CNBD1: variants seen among roughly 807,000 people sequenced by gnomAD.
The protein encoded by CNBD1 is cyclic nucleotide binding domain containing 1, also known as cyclic nucleotide-binding domain-containing protein 1.
A neutral mutation model predicts 54.4 loss-of-function variants in CNBD1; 71 were observed. That is an observed-to-expected ratio of 1.30 (90% CI 1.08 to 1.59). The LOEUF (loss-of-function observed/expected upper bound fraction) is 1.59. Among genes scored for constraint, CNBD1 ranks in the 40% most tolerant of loss-of-function variants. CNBD1 has a pLI of 0.00. For missense variants in CNBD1, 659 were observed against 518.0 expected (o/e 1.27, Z -2.64); for synonymous variants, 182 against 170.7 (o/e 1.07, Z -0.51).
intron 4 of CNBD1, among the ~76,000 whole-genome samples, chr8:87,062,520 C>G (rs982590697): frequency 6.6e-6 from 1 of 152,138 alleles, no homozygotes; most frequent in Non-Finnish European, 1.5e-5. Context: ...GGTGAATCAC[C>G]TGAGGTCAGG....
At chr8:87,269,768 A>C (rs1463975271) in intron 6 of CNBD1, among the ~76,000 whole-genome samples, 3 of 152,088 alleles carry the variant, frequency 2.0e-5, no homozygotes, top group African/African-American at 4.8e-5. Context: ...TTGAATCAGC[A>C]ATAAAAAACC....
chr8:87,161,084 G>T (rs1300574179), intron 4 of CNBD1, among the ~76,000 whole-genome samples: 50 of 152,044 alleles, frequency 3.3e-4, no homozygotes, highest in Non-Finnish European at 5.9e-5. Context: ...AGAGGTTTGG[G>T]CTGGAGGGAG....
chr8:87,018,203 A>T (rs1056500734), intron 4 of CNBD1, among the ~76,000 whole-genome samples: 2 of 152,238 alleles, frequency 1.3e-5, no homozygotes, highest in Admixed American at 1.3e-4. Flanking sequence ...AGATTGTGCC[A>T]TTGCACTCCA....
intron 9 of CNBD1, among the ~76,000 whole-genome samples, chr8:87,352,979 ATCT>A (rs759725082): frequency 2.6e-5 from 4 of 152,142 alleles, no homozygotes; most frequent in Non-Finnish European, 4.4e-5. Flanking sequence ...TCTTTTATAT[ATCT>A]TAGTGGTCAT....
chr8:87,314,245 C>T (rs1364667396), intron 8 of CNBD1, among the ~76,000 whole-genome samples: 1 of 151,668 alleles, frequency 6.6e-6, no homozygotes, highest in Non-Finnish European at 1.5e-5. Flanking sequence ...TCTAGCAGCA[C>T]TTTAAAGAAT....
chr8:86,965,661 G>C (rs183541529), intron 4 of CNBD1, among the ~76,000 whole-genome samples: 8 of 152,248 alleles, frequency 5.3e-5, no homozygotes, highest in East Asian at 3.9e-4. Flanking sequence ...GGGATCTTTG[G>C]GGGGTGGATT....
At chr8:87,008,594 T>G (rs1809151280) in intron 4 of CNBD1, among the ~76,000 whole-genome samples, 1 of 152,098 alleles carries the variant, frequency 6.6e-6, no homozygotes, top group South Asian at 2.1e-4. Flanking sequence ...CCCTGCTGAG[T>G]GAAAGGTTTT....
At chr8:86,959,929 G>T (rs761937342) in intron 4 of CNBD1, among the ~76,000 whole-genome samples, 11 of 151,494 alleles carry the variant, frequency 7.3e-5, no homozygotes, top group Non-Finnish European at 1.5e-4. Context: ...AGAGAAGAGG[G>T]GCTCTGATTT....
chr8:87,326,989 A>G (rs13274819), intron 8 of CNBD1, among the ~76,000 whole-genome samples: 49,042 of 137,850 alleles, frequency 0.36, 8,743 homozygotes, highest in Middle Eastern at 0.41. Flanking sequence ...TTTGGTGTGG[A>G]TGTCCTTTCT....
chr8:87,109,657 GC>G (rs751805442), intron 4 of CNBD1, among the ~76,000 whole-genome samples: 84 of 150,862 alleles, frequency 5.6e-4, no homozygotes, highest in Admixed American at 1.8e-3. Context: ...TCCTGCCTCA[GC>G]CTCCCGAGTA....
intron 4 of CNBD1, among the ~76,000 whole-genome samples, chr8:87,150,111 A>T (rs1812572873): frequency 6.6e-6 from 1 of 152,128 alleles, no homozygotes; most frequent in Non-Finnish European, 1.5e-5. Flanking sequence ...CGGGAGGCGG[A>T]GCTTGCAGTG....
chr8:87,402,443 A>C (rs1317457149), intron 2 of CNBD1, among the ~76,000 whole-genome samples: 1 of 152,086 alleles, frequency 6.6e-6, no homozygotes, highest in Non-Finnish European at 1.5e-5. Flanking sequence ...ATTAATTTCC[A>C]TTTGAGGCAT....
At chr8:87,075,641 C>G (rs554503841) in intron 4 of CNBD1, among the ~76,000 whole-genome samples, 21 of 152,154 alleles carry the variant, frequency 1.4e-4, no homozygotes, top group Non-Finnish European at 3.1e-4. Context: ...GAGCTTCTAT[C>G]TCTTTGGCCA....
chr8:87,197,877 A>T (rs1813754148), intron 4 of CNBD1, among the ~76,000 whole-genome samples: 1 of 151,994 alleles, frequency 6.6e-6, no homozygotes, highest in Admixed American at 6.6e-5. Context: ...ACCCCTTGTC[A>T]TTAGGTGCTT....
At chr8:86,978,845 A>G (rs1808404557) in intron 4 of CNBD1, among the ~76,000 whole-genome samples, 1 of 152,114 alleles carries the variant, frequency 6.6e-6, no homozygotes, top group Non-Finnish European at 1.5e-5. Context: ...GACATGCTTT[A>G]TATTTTAATA....
At chr8:87,248,740 T>C (rs1182829891) in intron 6 of CNBD1, among the ~76,000 whole-genome samples, 1 of 152,194 alleles carries the variant, frequency 6.6e-6, no homozygotes, top group African/African-American at 2.4e-5. Flanking sequence ...TCTTTTGATG[T>C]CCCCTCATTG....
At chr8:87,003,222 T>C (rs1809029493) in intron 4 of CNBD1, among the ~76,000 whole-genome samples, 1 of 152,244 alleles carries the variant, frequency 6.6e-6, no homozygotes, top group Admixed American at 6.5e-5. Context: ...CATTTTGTGA[T>C]TGTTCCATGT....
At chr8:87,355,735 T>C (rs1810407821) in intron 10 of CNBD1, among the ~76,000 whole-genome samples, 2 of 152,128 alleles carry the variant, frequency 1.3e-5, no homozygotes, top group Admixed American at 6.6e-5. Flanking sequence ...ATAAACCATA[T>C]AAGATTTGAC....
chr8:87,043,199 C>T (rs1810110874), intron 4 of CNBD1, among the ~76,000 whole-genome samples: 1 of 152,042 alleles, frequency 6.6e-6, no homozygotes, highest in South Asian at 2.1e-4. Context: ...GGTGGTTGTA[C>T]CTGTAGGTTG....
Sources: gnomAD v4.1 joint callset for allele counts (sites outside exome capture counted in the v4.1 genomes callset) on GRCh38, gnomAD v4.1.1 for gene constraint, MANE v1.5 for transcripts, NCBI Gene and HGNC (gene_info 2026-07-23, HGNC 2026-07-21) for gene names.